Variants in CSMD3 observed in about 807,000 individuals in gnomAD.
CSMD3 encodes CUB and sushi domain-containing protein 3.
Under a neutral mutation model 435.2 loss-of-function variants are expected in CSMD3, and 177 were observed. That is an observed-to-expected ratio of 0.41 (90% CI 0.36 to 0.46). CSMD3 has a LOEUF of 0.46. Ranked by LOEUF, CSMD3 falls within the 20% of genes least tolerant of loss-of-function variation. The probability of loss-of-function intolerance (pLI) is 0.34; values close to 1 mark genes in which losing one functional copy is unlikely to be tolerated. For missense variants in CSMD3, 4,265 were observed against 4,504.6 expected, an observed-to-expected ratio of 0.95 and a Z score of 1.52; for synonymous variants, 1,656 against 1,520.5, an observed-to-expected ratio of 1.09 and a Z score of -2.07.
At chr8:113,241,095 TC>T (rs1433342700) in intron 3 of CSMD3, among the ~76,000 whole-genome samples, 1 of 152,178 alleles carries the variant, frequency 6.6e-6, no homozygotes, top group African/African-American at 2.4e-5. Context: ...TTTTCTTTAT[TC>T]AAGTACTTTG....
chr8:112,506,664 C>T (rs537935106), intron 29 of CSMD3, 27 bp downstream of exon 29: 31 of 1,607,400 alleles, frequency 1.9e-5, no homozygotes, highest in South Asian at 1.9e-4. Flanking sequence ...ATTTTTTTAA[C>T]GTGGAAATAA....
At chr8:112,955,699 C>T (rs1263009868) in intron 7 of CSMD3, among the ~76,000 whole-genome samples, 1 of 151,716 alleles carries the variant, frequency 6.6e-6, no homozygotes, top group African/African-American at 2.4e-5. Context: ...TTTTCTTTTA[C>T]AAAACATGGT....
intron 22 of CSMD3, among the ~76,000 whole-genome samples, chr8:112,622,525 G>T (rs1834156789): frequency 1.3e-5 from 2 of 152,042 alleles, no homozygotes; most frequent in Admixed American, 1.3e-4. Flanking sequence ...AATTTGTCCA[G>T]TCCTTATCTT....
chr8:112,874,052 A>G (rs1219897257), intron 10 of CSMD3, among the ~76,000 whole-genome samples: 2 of 152,188 alleles, frequency 1.3e-5, no homozygotes, highest in Admixed American at 6.6e-5. Flanking sequence ...ATTTAGTGCT[A>G]TAAATTTCCC....
At chr8:113,183,554 A>C (rs1156916379) in intron 3 of CSMD3, among the ~76,000 whole-genome samples, 1 of 151,922 alleles carries the variant, frequency 6.6e-6, no homozygotes, top group Non-Finnish European at 1.5e-5. Context: ...CCATCCTTAG[A>C]CTAAGAAACT....
At chr8:112,636,538 T>TTCTATCTA (rs5894094) in intron 22 of CSMD3, among the ~76,000 whole-genome samples, 2,202 of 149,420 alleles carry the variant, frequency 0.015, 26 homozygotes, top group East Asian at 0.039. Context: ...TCTATCATAT[T>TTCTATCTA]TCTATCTATC....
intron 4 of CSMD3, among the ~76,000 whole-genome samples, chr8:113,107,020 C>T (rs2090498356): frequency 6.6e-6 from 1 of 152,058 alleles, no homozygotes; most frequent in African/African-American, 2.4e-5. Context: ...TTTAATCGTC[C>T]CCTCCAATTC....
At chr8:113,375,065 T>C (rs1461934225) in intron 1 of CSMD3, among the ~76,000 whole-genome samples, 1 of 152,142 alleles carries the variant, frequency 6.6e-6, no homozygotes, top group African/African-American at 2.4e-5. Flanking sequence ...TTTTATGTTA[T>C]ATACAGAAGT....
At chr8:113,272,996 T>C (rs1563636384) in intron 3 of CSMD3, among the ~76,000 whole-genome samples, 1 of 152,006 alleles carries the variant, frequency 6.6e-6, no homozygotes. Context: ...CTAAAATAAC[T>C]AGTGAAGTGA....
intron 39 of CSMD3, among the ~76,000 whole-genome samples, chr8:112,351,603 G>C (rs1229415307): frequency 6.6e-6 from 1 of 151,814 alleles, no homozygotes; most frequent in Non-Finnish European, 1.5e-5. Flanking sequence ...AACACACAAG[G>C]TGAAGTAGGT....
At chr8:112,872,919 A>C (rs1220380332) in intron 10 of CSMD3, among the ~76,000 whole-genome samples, 1 of 151,906 alleles carries the variant, frequency 6.6e-6, no homozygotes, top group East Asian at 1.9e-4. Context: ...GATGAGAAGT[A>C]AGAACAGAAA....
intron 4 of CSMD3, among the ~76,000 whole-genome samples, chr8:113,130,389 G>A (rs2091254759): frequency 6.6e-6 from 1 of 152,076 alleles, no homozygotes; most frequent in Admixed American, 6.6e-5. Context: ...GACGGTAAGT[G>A]AGTCATCACC....
chr8:112,550,921 T>G, intron 26 of CSMD3, 48 bp from the exon 27 acceptor site: 3 of 1,397,832 alleles, frequency 2.1e-6, no homozygotes, highest in African/African-American at 1.4e-5. Context: ...AGGATTCAAC[T>G]TTAAAGAAAA....
At chr8:113,294,370 T>C (rs1207779360) in intron 2 of CSMD3, among the ~76,000 whole-genome samples, 2 of 152,092 alleles carry the variant, frequency 1.3e-5, no homozygotes, top group East Asian at 3.8e-4. Context: ...TCCCATAACA[T>C]ATATGTCTAT....
At chr8:112,790,323 T>C (rs968773529) in intron 13 of CSMD3, among the ~76,000 whole-genome samples, 1 of 151,488 alleles carries the variant, frequency 6.6e-6, no homozygotes, top group Non-Finnish European at 1.5e-5. Context: ...TTTTGAGAAA[T>C]ACTCTAATTA....
intron 23 of CSMD3, among the ~76,000 whole-genome samples, chr8:112,586,265 A>C (rs1260661667): frequency 6.6e-6 from 1 of 151,532 alleles, no homozygotes; most frequent in Non-Finnish European, 1.5e-5. Context: ...AAGTATAATG[A>C]ATTTTTCACC....
At chr8:112,317,658 C>T (rs926974771) in intron 47 of CSMD3, among the ~76,000 whole-genome samples, 1 of 152,002 alleles carries the variant, frequency 6.6e-6, no homozygotes, top group Non-Finnish European at 1.5e-5. Flanking sequence ...TCAAGATGTC[C>T]TAATAGCAGT....
intron 27 of CSMD3, among the ~76,000 whole-genome samples, chr8:112,517,564 ACT>A: frequency 6.6e-6 from 1 of 152,066 alleles, no homozygotes; most frequent in East Asian, 1.9e-4. Flanking sequence ...AACTCTCGAA[ACT>A]CAAAAAAAAA....
chr8:113,197,464 A>C (rs2092671078), intron 3 of CSMD3, among the ~76,000 whole-genome samples: 1 of 151,248 alleles, frequency 6.6e-6, no homozygotes, highest in African/African-American at 2.4e-5. Context: ...CAGGGGATAA[A>C]CATTTGTGAA....
Sources: gnomAD v4.1 joint callset for allele counts (sites outside exome capture counted in the v4.1 genomes callset) on GRCh38, gnomAD v4.1.1 for gene constraint, MANE v1.5 for transcripts, NCBI Gene and HGNC (gene_info 2026-07-23, HGNC 2026-07-21) for gene names.